DNAJC6: variants seen among roughly 807,000 people sequenced by gnomAD.
DNAJC6 encodes the protein DnaJ heat shock protein family (Hsp40) member C6, also known as auxilin.
In DNAJC6, 34 loss-of-function variants were observed where a neutral mutation model predicts 110.0. That is an observed-to-expected ratio of 0.31 (90% CI 0.24 to 0.41). DNAJC6 has a LOEUF of 0.41. Ranked by LOEUF, DNAJC6 falls within the 10% of genes least tolerant of loss-of-function variation. The probability of loss-of-function intolerance (pLI) is 1.00; values close to 1 mark genes in which losing one functional copy is unlikely to be tolerated. For synonymous variants in DNAJC6, 406 were observed against 437.2 expected (o/e 0.93, Z 0.89); for missense variants, 1,031 against 1,207.8 (o/e 0.85, Z 2.17).
chr1:65,385,913 C>T lies in DNAJC6; in HGVS notation c.995+7C>T. 2 of 1,590,492 alleles carry T rather than the reference C, an allele frequency of 1.3e-6. No homozygotes were observed. The highest frequency in any genetic ancestry group is 2.2e-5 in the East Asian group (1 of 44,462). On this transcript the variant is annotated splice_region_variant and intron_variant, in intron 7 of 18. Transcript: ENST00000371069. ...CAGATTTTGAACGAATGAAGTAAGT[C>T]ATGATACTTTACTTCTTCCTATGTA...
At chr1:65,360,175 T>C (rs1028447340) in intron 1 of DNAJC6, among the ~76,000 whole-genome samples, 4 of 152,246 alleles carry the variant, frequency 2.6e-5, no homozygotes, top group African/African-American at 9.6e-5. Context: ...TTGGCACTTA[T>C]GTGGCTCATC....
At chr1:65,389,724 C>A in intron 11 of DNAJC6, 97 bp downstream of exon 11, 2 of 1,331,186 alleles carry the variant, frequency 1.5e-6, no homozygotes, top group Non-Finnish European at 2.1e-6. Flanking sequence ...TAAAGCAGCA[C>A]TTAGAGGTCA....
At chr1:65,412,866 T>C (rs1157796807) in intron 18 of DNAJC6, 58 bp from the exon 19 acceptor site, 1 of 1,418,814 alleles carries the variant, frequency 7.0e-7, no homozygotes, top group Admixed American at 2.0e-5. Context: ...GTGAAAAATT[T>C]AATATTAATG....
chr1:65,281,904 A>G (rs1653865583), intron 1 of DNAJC6, among the ~76,000 whole-genome samples: 1 of 151,848 alleles, frequency 6.6e-6, no homozygotes, highest in Non-Finnish European at 1.5e-5. Context: ...CACCGTGCCC[A>G]GCCCTGTTTA....
chr1:65,403,736 G>T (rs552209336), intron 15 of DNAJC6, among the ~76,000 whole-genome samples: 1 of 152,290 alleles, frequency 6.6e-6, no homozygotes, highest in East Asian at 1.9e-4. Flanking sequence ...TTGTATTTCT[G>T]TAAGTTCTCT....
At chr1:65,301,519 A>G (rs1644978556) in intron 1 of DNAJC6, among the ~76,000 whole-genome samples, 1 of 152,146 alleles carries the variant, frequency 6.6e-6, no homozygotes, top group African/African-American at 2.4e-5. Context: ...GACCAGATTC[A>G]AGTTTGGGTT....
intron 1 of DNAJC6, among the ~76,000 whole-genome samples, chr1:65,341,666 C>T (rs1046544648): frequency 7.2e-5 from 11 of 152,132 alleles, no homozygotes; most frequent in Non-Finnish European, 1.2e-4. Context: ...TTTGGTTCTT[C>T]GGGCTCATGC....
chr1:65,349,102 A>AT (rs1645466423), intron 1 of DNAJC6, among the ~76,000 whole-genome samples: 1 of 126,186 alleles, frequency 7.9e-6, no homozygotes, highest in South Asian at 2.5e-4. Flanking sequence ...ATATATATAT[A>AT]AATAAATATG....
At position 65,411,346 on chromosome 1, in the gene DNAJC6, G is replaced by A; in HGVS notation, c.2731G>A (p.Val911Ile). The A allele has an allele frequency of 6.2e-7, 1 of 1,614,210 alleles. No homozygotes were observed. The highest frequency in any genetic ancestry group is 8.5e-7 in the Non-Finnish European group (1 of 1,180,032). ...GGCTGGGGAGACCAAGTGGAAACCA[G>A]TTGGCATGGCAGACCTGGTAACACC... is the stretch of plus-strand genomic sequence containing the variant. ...LWAGETKWKP[V>I]GMADLVTPEQ... Residue 911 changes from valine (V) to isoleucine (I), a missense_variant, in exon 18 of 19, where the codon GTT becomes ATT. Transcript: ENST00000371069.
chr1:65,391,667 A>G (rs1450759186), intron 11 of DNAJC6, among the ~76,000 whole-genome samples: 1 of 148,300 alleles, frequency 6.7e-6, no homozygotes, highest in African/African-American at 2.6e-5. Flanking sequence ...CCCCGGCCAA[A>G]GCACCTAGCA....
intron 1 of DNAJC6, among the ~76,000 whole-genome samples, chr1:65,337,288 G>C: frequency 9.6e-6 from 1 of 104,682 alleles, no homozygotes; most frequent in East Asian, 2.2e-4. Flanking sequence ...GGCTGCAAAT[G>C]TAATTCTTAC....
chr1:65,333,731 C>G (rs1645309614), intron 1 of DNAJC6, among the ~76,000 whole-genome samples: 1 of 152,094 alleles, frequency 6.6e-6, no homozygotes, highest in African/African-American at 2.4e-5. Flanking sequence ...AATTTTGTTT[C>G]ATCCTAACCC....
chr1:65,323,379 T>G (rs1410116536), intron 1 of DNAJC6, among the ~76,000 whole-genome samples: 1 of 152,120 alleles, frequency 6.6e-6, no homozygotes, highest in Non-Finnish European at 1.5e-5. Context: ...TGGACTTCCT[T>G]TCTCACTTTC....
chr1:65,267,364 G>GAACACA (rs1435268057), intron 1 of DNAJC6, among the ~76,000 whole-genome samples: 1 of 152,164 alleles, frequency 6.6e-6, no homozygotes, highest in Non-Finnish European at 1.5e-5. Context: ...TATTAGACTA[G>GAACACA]ATTCCTGTTT....
At chr1:65,265,057 A>G (rs1653270150) in intron 1 of DNAJC6, 1 of 802,938 alleles carries the variant, frequency 1.2e-6, no homozygotes, top group Non-Finnish European at 2.0e-6. Flanking sequence ...TACCATACCT[A>G]TATTAACATT....
At chr1:65,352,735 A>T (rs1645504086) in intron 1 of DNAJC6, among the ~76,000 whole-genome samples, 1 of 152,222 alleles carries the variant, frequency 6.6e-6, no homozygotes, top group East Asian at 1.9e-4. Flanking sequence ...TTTCTCTCAG[A>T]AGTTGGCTTG....
At chr1:65,405,008 A>G (rs116604180) in intron 15 of DNAJC6, among the ~76,000 whole-genome samples, 1,656 of 152,260 alleles carry the variant, frequency 0.011, 25 homozygotes, top group African/African-American at 0.038. Context: ...TTATTTTATT[A>G]TTGTTACTTT....
chr1:65,375,555 A>G (rs557314239), intron 4 of DNAJC6, among the ~76,000 whole-genome samples: 24 of 152,036 alleles, frequency 1.6e-4, no homozygotes, highest in African/African-American at 5.3e-4. Context: ...CCTCCCGAGT[A>G]ACTCGGACTA....
At chr1:65,349,297 T>A (rs1307917475) in intron 1 of DNAJC6, among the ~76,000 whole-genome samples, 1 of 151,822 alleles carries the variant, frequency 6.6e-6, no homozygotes, top group East Asian at 1.9e-4. Context: ...ATTTTTCATC[T>A]GTGTAATAAC....
Sources: allele counts gnomAD v4.1 joint callset (sites outside exome capture counted in the v4.1 genomes callset), GRCh38; gene constraint gnomAD v4.1.1; transcripts MANE v1.5; gene names NCBI Gene and HGNC (gene_info 2026-07-23, HGNC 2026-07-21).